The following TSEN2 variants were observed in gnomAD, a reference collection of about 807,000 sequenced individuals.
TSEN2 encodes the protein tRNA-splicing endonuclease subunit Sen2.
A neutral mutation model predicts 59.2 loss-of-function variants in TSEN2; 54 were observed. The ratio of observed to expected loss-of-function variants is 0.91; its 90% CI spans 0.73 to 1.14. The LOEUF (loss-of-function observed/expected upper bound fraction) is 1.14. TSEN2 is among the 50% of genes most tolerant of loss of function. The pLI, the probability that TSEN2 is intolerant of heterozygous loss-of-function variation, is 0.00. For missense variants in TSEN2, 636 were observed against 576.2 expected (o/e 1.10, Z -1.06); for synonymous variants, 195 against 198.2 (o/e 0.98, Z 0.14).
At chr3:12,522,043 A>T (rs976824021) in intron 8 of TSEN2, among the ~76,000 whole-genome samples, 1 of 142,344 alleles carries the variant, frequency 7.0e-6, no homozygotes, top group Non-Finnish European at 1.6e-5. Context: ...AAAAAATAAA[A>T]ATTAAGATAT....
At position 12,532,928 on chromosome 3, in the gene TSEN2, T is replaced by C. The variant is rs1051153352; in HGVS notation, c.*207T>C. ...TAGGACTGCAGATTCTATACTTGCG[T>C]TGGCCTCTAACTCTCCAATCCAGAG... On this transcript the variant is annotated 3_prime_UTR_variant, in exon 12 of 12. Coordinates refer to ENST00000284995, the MANE Select transcript of TSEN2 (RefSeq NM_025265.4). 1.5e-5 allele frequency: 9 copies of C among 611,210 alleles called. No homozygotes were observed. Among genetic ancestry groups the C allele is most frequent in the African/African-American group, 3.7e-5 (2 of 53,996 alleles). The allele number at this position is 611,210 out of a possible 1,614,324, so 37.9% of individuals were successfully genotyped here. A position where few individuals can be genotyped will look rare whatever the true frequency, so the allele number is the denominator to read the frequency against.
chr3:12,495,624 C>T (rs2053671958), intron 3 of TSEN2, among the ~76,000 whole-genome samples: 1 of 152,198 alleles, frequency 6.6e-6, no homozygotes, highest in South Asian at 2.1e-4. Flanking sequence ...CTTAGTAAAC[C>T]ATCCCGAAAG....
At chr3:12,523,343 A>G (rs922378142) in intron 8 of TSEN2, among the ~76,000 whole-genome samples, 2 of 151,984 alleles carry the variant, frequency 1.3e-5, no homozygotes, top group Non-Finnish European at 2.9e-5. Flanking sequence ...ACAGAAATGG[A>G]ATGGTGGGAG....
Position 12,503,404 on chromosome 3 carries a change from G to A in TSEN2, c.451G>A (p.Asp151Asn). 1 of 1,614,204 alleles carries A rather than the reference G, an allele frequency of 6.2e-7. No homozygotes were observed. Among genetic ancestry groups the A allele is most frequent in the Non-Finnish European group, 8.5e-7 (1 of 1,180,042 alleles). ...VKRNEEAQVH[D>N]KLNSGMVSNM... is the part of the protein sequence containing the mutation. ...AAGGAATGAAGAGGCTCAAGTGCAT[G>A]ACAAGCTTAACTCTGGAATGGTTTC... The change falls in exon 5 of 12, where the codon GAC (aspartate) becomes AAC (asparagine). Residue 151 changes from aspartate to asparagine, a missense_variant. Transcript: ENST00000284995.
chr3:12,496,649 T>G (rs1339993414), intron 4 of TSEN2, 95 bp downstream of exon 4: 7 of 1,240,154 alleles, frequency 5.6e-6, no homozygotes, highest in Non-Finnish European at 7.0e-6. Flanking sequence ...AGTCCACACC[T>G]TTTTTTCTTT....
intron 1 of TSEN2, 113 bp from the exon 2 acceptor site, chr3:12,489,671 T>G (rs936830253): frequency 1.2e-6 from 1 of 832,796 alleles, no homozygotes; most frequent in African/African-American, 1.7e-5. Context: ...AATACTCTAT[T>G]TCTTCCCACA....
chr3:12,527,575 G>A (rs1312327007), intron 8 of TSEN2, among the ~76,000 whole-genome samples: 3 of 151,532 alleles, frequency 2.0e-5, no homozygotes, highest in Non-Finnish European at 4.4e-5. Context: ...GCTGGTTTTA[G>A]CACAGAGGAC....
At chr3:12,493,511 G>A (rs188451109) in intron 3 of TSEN2, among the ~76,000 whole-genome samples, 2 of 152,288 alleles carry the variant, frequency 1.3e-5, no homozygotes, top group East Asian at 3.9e-4. Flanking sequence ...GGCAGATCAT[G>A]AGGTCAGGAG....
chr3:12,503,181 T>G, intron 4 of TSEN2, 81 bp from the exon 5 acceptor site: 1 of 1,535,062 alleles, frequency 6.5e-7, no homozygotes, highest in Non-Finnish European at 9.0e-7. Context: ...GTGTGTCACC[T>G]TCCAGTCTGT....
At chr3:12,497,882 A>G (rs2053913067) in intron 4 of TSEN2, among the ~76,000 whole-genome samples, 1 of 152,202 alleles carries the variant, frequency 6.6e-6, no homozygotes, top group Non-Finnish European at 1.5e-5. Context: ...TCCAAACTCA[A>G]GGTGTCAGCA....
intron 8 of TSEN2, among the ~76,000 whole-genome samples, chr3:12,524,211 G>A (rs909379062): frequency 2.0e-5 from 3 of 152,324 alleles, no homozygotes; most frequent in East Asian, 3.9e-4. Context: ...GATTACAGGC[G>A]TGAGCCACCA....
chr3:12,485,324 G>GTGCTC (rs1313419202), intron 1 of TSEN2, among the ~76,000 whole-genome samples: 3 of 152,184 alleles, frequency 2.0e-5, no homozygotes, highest in Non-Finnish European at 4.4e-5. Context: ...CCTAAGAGGT[G>GTGCTC]TTAGCCTGTG....
chr3:12,507,593 C>G (rs1364206792), intron 6 of TSEN2, among the ~76,000 whole-genome samples: 1 of 152,140 alleles, frequency 6.6e-6, no homozygotes, highest in African/African-American at 2.4e-5. Flanking sequence ...TTTACAATCA[C>G]AAAAATGCCC....
rs1195953819 is a variant in TSEN2 at position 12,489,631 on chromosome 3, TTC to T, written c.-17-151_-17-150del. 3.0e-5 allele frequency: 20 copies of T among 665,514 alleles called. No homozygotes were observed. The Admixed American group carries it at 4.4e-4, about 15-fold the overall frequency. The allele number at this position is 665,514 out of a possible 1,614,324, so 41.2% of individuals were successfully genotyped here. A position where few individuals can be genotyped will look rare whatever the true frequency, so the allele number is the denominator to read the frequency against. ...TGATTTACATTGCTCACACAAACTG[TTC>T]TTACTGCTTTTAGTTTATTGCTTTA... On this transcript the variant is annotated intron_variant, in intron 1 of 11. Transcript: ENST00000284995.
chr3:12,529,695 A>G (rs2057335979), intron 9 of TSEN2, 67 bp from the exon 10 acceptor site: 2 of 1,437,224 alleles, frequency 1.4e-6, no homozygotes, highest in Non-Finnish European at 9.8e-7. Context: ...TCTTGGTAGG[A>G]CAAATATTCT....
chr3:12,490,042 G>T (rs1559274623), intron 2 of TSEN2, 53 bp downstream of exon 2: 1 of 1,545,620 alleles, frequency 6.5e-7, no homozygotes, highest in African/African-American at 1.4e-5. Flanking sequence ...TGAGCAAGCA[G>T]TCCTTTCCTT....
intron 6 of TSEN2, 148 bp from the exon 7 acceptor site, chr3:12,516,462 GT>G: frequency 1.5e-6 from 1 of 659,936 alleles, no homozygotes; most frequent in Non-Finnish European, 2.7e-6. Context: ...GTGTGTGTGT[GT>G]GTGTGTGTGT....
chr3:12,502,915 T>C (rs949517140), intron 4 of TSEN2, among the ~76,000 whole-genome samples: 8 of 151,834 alleles, frequency 5.3e-5, no homozygotes, highest in African/African-American at 1.7e-4. Context: ...CTACTAAAAA[T>C]ACAAAAATTA....
Position 12,505,169 on chromosome 3 carries a change from A to G in TSEN2, c.847A>G (p.Arg283Gly). ...TTCTCTTTAGTTGGTGCAAAGAAAC[A>G]GGTTAATATGCAGAAGAAATCCATA... ...APNEELVQRNRLICRRNPYRI... is the reference protein window; with the variant it reads ...APNEELVQRNGLICRRNPYRI... The change falls in exon 6 of 12, where the codon AGG (arginine) becomes GGG (glycine). Residue 283 changes from arginine to glycine, a missense_variant. By Grantham distance (125) the Arg-to-Gly change is moderately radical (BLOSUM62 -2). Transcript: ENST00000284995. The G allele has an allele frequency of 1.2e-6, 2 of 1,608,630 alleles. No individual in the cohort carries two copies. Among genetic ancestry groups the G allele is most frequent in the South Asian group, 1.1e-5 (1 of 90,958 alleles).
Sources: allele counts gnomAD v4.1 joint callset (sites outside exome capture counted in the v4.1 genomes callset), GRCh38; gene constraint gnomAD v4.1.1; transcripts MANE v1.5; gene names NCBI Gene and HGNC (gene_info 2026-07-23, HGNC 2026-07-21).